Variants in RNF150 observed in about 807,000 individuals in gnomAD.
RNF150 encodes the protein ring finger protein 150.
In RNF150, 24 loss-of-function variants were observed where a neutral mutation model predicts 39.3. The observed-to-expected ratio is 0.61, with a 90% CI of 0.44 to 0.86. The LOEUF is 0.86. Ranked by LOEUF, RNF150 falls within the 40% of genes least tolerant of loss-of-function variation. The pLI is 0.00. For synonymous variants in RNF150, 255 were observed against 227.3 expected, an observed-to-expected ratio of 1.12 and a Z score of -1.10; for missense variants, 502 against 587.8, an observed-to-expected ratio of 0.85 and a Z score of 1.51.
chr4:141,047,878 T>C (rs1197911842), intron 1 of RNF150, among the ~76,000 whole-genome samples: 1 of 152,132 alleles, frequency 6.6e-6, no homozygotes, highest in Non-Finnish European at 1.5e-5. Context: ...CACTCAAAGA[T>C]TGCCAAAGTT....
chr4:141,142,928 G>C (rs942153487), intron 1 of RNF150, among the ~76,000 whole-genome samples: 4 of 151,228 alleles, frequency 2.6e-5, no homozygotes, highest in African/African-American at 9.7e-5. Flanking sequence ...GGAGTGCAGT[G>C]GTGCAGTCTC....
chr4:141,077,505 C>A (rs1737940241), intron 1 of RNF150, among the ~76,000 whole-genome samples: 1 of 151,746 alleles, frequency 6.6e-6, no homozygotes, highest in Non-Finnish European at 1.5e-5. Context: ...TCGGCCTGTA[C>A]AAAAAATAAA....
At chr4:141,004,369 G>T (rs1734791051) in intron 1 of RNF150, among the ~76,000 whole-genome samples, 1 of 152,206 alleles carries the variant, frequency 6.6e-6, no homozygotes, top group Admixed American at 6.5e-5. Flanking sequence ...GCTCTGGAGA[G>T]AAATTGACAC....
At chr4:140,886,857 T>A (rs1729595097) in intron 6 of RNF150, among the ~76,000 whole-genome samples, 1 of 152,208 alleles carries the variant, frequency 6.6e-6, no homozygotes, top group Non-Finnish European at 1.5e-5. Context: ...TTAAGTCCTA[T>A]CTAAAAAATA....
At chr4:141,143,252 T>G (rs1024986381) in intron 1 of RNF150, among the ~76,000 whole-genome samples, 6 of 152,172 alleles carry the variant, frequency 3.9e-5, no homozygotes, top group Non-Finnish European at 1.5e-5. Flanking sequence ...CTAATTTACA[T>G]ATCTATATTG....
chr4:140,940,418 T>C (rs1462544046), intron 4 of RNF150, among the ~76,000 whole-genome samples: 2 of 151,908 alleles, frequency 1.3e-5, no homozygotes, highest in Non-Finnish European at 2.9e-5. Flanking sequence ...TGTATAACAA[T>C]TGAAGTGTCC....
intron 2 of RNF150, among the ~76,000 whole-genome samples, chr4:140,967,204 A>G (rs1733276766): frequency 2.6e-5 from 4 of 152,142 alleles, no homozygotes. Context: ...GCCATGTGAT[A>G]CTTTTTGCAT....
intron 1 of RNF150, among the ~76,000 whole-genome samples, chr4:141,112,856 T>C (rs1368694675): frequency 1.3e-5 from 2 of 152,170 alleles, no homozygotes; most frequent in African/African-American, 4.8e-5. Flanking sequence ...CACTTTCAGC[T>C]ACACCAATCA....
chr4:141,211,387 C>T (rs1728461760), intron 1 of RNF150, among the ~76,000 whole-genome samples: 1 of 152,092 alleles, frequency 6.6e-6, no homozygotes, highest in South Asian at 2.1e-4. Context: ...AATTTGATCT[C>T]ATTCTAAGGA....
At chr4:141,181,572 A>G (rs1260520855) in intron 1 of RNF150, among the ~76,000 whole-genome samples, 1 of 152,200 alleles carries the variant, frequency 6.6e-6, no homozygotes, top group Non-Finnish European at 1.5e-5. Flanking sequence ...GAAATCACTC[A>G]TGCATAGACA....
At chr4:141,173,904 T>A (rs1004926809) in intron 1 of RNF150, among the ~76,000 whole-genome samples, 1 of 152,258 alleles carries the variant, frequency 6.6e-6, no homozygotes, top group Admixed American at 6.5e-5. Flanking sequence ...CAGAAGCAAC[T>A]GTTGTTATCA....
At chr4:141,048,724 C>A (rs1440664700) in intron 1 of RNF150, among the ~76,000 whole-genome samples, 1 of 152,038 alleles carries the variant, frequency 6.6e-6, no homozygotes, top group African/African-American at 2.4e-5. Context: ...CAGAGTGAGA[C>A]CCTGTCTCTA....
chr4:140,927,347 G>A (rs774367049), intron 4 of RNF150, among the ~76,000 whole-genome samples: 3 of 152,118 alleles, frequency 2.0e-5, no homozygotes, highest in African/African-American at 7.2e-5. Context: ...ATATCATGTC[G>A]AATTGTAATC....
At chr4:141,206,724 A>G (rs775112446) in intron 1 of RNF150, among the ~76,000 whole-genome samples, 2 of 151,978 alleles carry the variant, frequency 1.3e-5, no homozygotes, top group African/African-American at 2.4e-5. Flanking sequence ...GGATATATGT[A>G]TATATGAAAG....
Position 141,132,875 on chromosome 4 carries a change from C to T in RNF150, c.-67G>A. On this transcript the variant is annotated 5_prime_UTR_variant, in exon 1 of 7. Coordinates refer to ENST00000515673, the MANE Select transcript of RNF150 (RefSeq NM_020724.2). The surrounding 1 kb of genome is among the most constrained non-coding windows in gnomAD (Gnocchi z 4.9). ...TCCGTCCCGTCCCTCCTCCCCAGCC[C>T]CGGCCAACCCCGGGCCGCTGCCTCT... is the stretch of plus-strand genomic sequence containing the variant. 2 of 1,338,450 alleles carry T rather than the reference C, an allele frequency of 1.5e-6. No individual in the cohort carries two copies. The highest frequency in any genetic ancestry group is 2.1e-6 in the Non-Finnish European group (2 of 956,202). 82.9% of individuals were successfully genotyped at this position (1,338,450 alleles called of 1,614,324 possible). A position where few individuals can be genotyped will look rare whatever the true frequency, so the allele number is the denominator to read the frequency against.
intron 1 of RNF150, among the ~76,000 whole-genome samples, chr4:141,111,660 A>G (rs1739388023): frequency 1.3e-5 from 2 of 152,242 alleles, no homozygotes; most frequent in African/African-American, 4.8e-5. Flanking sequence ...GAGCATGAGG[A>G]ACCACAAATG....
chr4:140,966,341 C>G (rs1459088756), intron 2 of RNF150, among the ~76,000 whole-genome samples: 2 of 151,830 alleles, frequency 1.3e-5, no homozygotes, highest in African/African-American at 4.8e-5. Flanking sequence ...GAGACTCCAT[C>G]TCAAGAAAAA....
At position 141,133,140 on chromosome 4, in the gene RNF150, A is replaced by C; in HGVS notation, c.-332T>G. ...TTCGCCCGGCTTCGCCTTCTCTCAT[A>C]AGGGTGGCCGGGGGCCCACGAACTT... On this transcript the variant is annotated 5_prime_UTR_variant, in exon 1 of 7. Transcript: ENST00000515673. 2 of 273,726 alleles carry C rather than the reference A, an allele frequency of 7.3e-6. No homozygotes were observed. The highest frequency in any genetic ancestry group is 1.4e-5 in the Non-Finnish European group (2 of 144,342). 17.0% of individuals were successfully genotyped at this position (273,726 alleles called of 1,614,324 possible). A position where few individuals can be genotyped will look rare whatever the true frequency, so the allele number is the denominator to read the frequency against.
chr4:140,902,179 T>C (rs1730212138), intron 6 of RNF150, among the ~76,000 whole-genome samples: 1 of 152,110 alleles, frequency 6.6e-6, no homozygotes, highest in Non-Finnish European at 1.5e-5. Flanking sequence ...ATTATAGTAG[T>C]GGCAGAGGGA....
Sources: gnomAD v4.1 joint callset for allele counts (sites outside exome capture counted in the v4.1 genomes callset) on GRCh38, gnomAD v4.1.1 for gene constraint, Gnocchi (gnomAD v3.1) non-coding constraint, MANE v1.5 for transcripts, NCBI Gene and HGNC (gene_info 2026-07-23, HGNC 2026-07-21) for gene names.